The following DOCK2 variants were observed in gnomAD, a reference collection of about 807,000 sequenced individuals.
DOCK2 encodes the protein dedicator of cytokinesis protein 2.
Under a neutral mutation model 248.9 loss-of-function variants are expected in DOCK2, and 87 were observed. That is an observed-to-expected ratio of 0.35 (90% CI 0.29 to 0.42). The LOEUF is 0.42. DOCK2 is among the 10% of genes least tolerant of loss of function. DOCK2 has a pLI of 1.00. For synonymous variants in DOCK2, 805 were observed against 821.6 expected (o/e 0.98, Z 0.35); for missense variants, 1,747 against 2,300.2 (o/e 0.76, Z 4.92).
rs1379991852 is a variant in DOCK2 at position 170,056,640 on chromosome 5, C to T, written c.4296-44C>T. On this transcript the variant is annotated intron_variant, in intron 42 of 51. Coordinates refer to ENST00000520908, the MANE Select transcript of DOCK2 (RefSeq NM_004946.3). The stretch of plus-strand genomic sequence containing the variant: ...GCAGGGTCAGATCGGGTGTCAGCAG[C>T]CGGGGATGGCTACCAGGAGCCTCAG... 1.9e-6 allele frequency: 3 copies of T among 1,569,552 alleles called. No individual in the cohort carries two copies. The Admixed American group carries it at 5.0e-5, about 26-fold the overall frequency.
At chr5:170,004,368 T>A (rs987236544) in intron 30 of DOCK2, among the ~76,000 whole-genome samples, 1 of 152,246 alleles carries the variant, frequency 6.6e-6, no homozygotes, top group African/African-American at 2.4e-5. Flanking sequence ...ATTGCCGTTC[T>A]AACTGGTGTG....
intron 17 of DOCK2, among the ~76,000 whole-genome samples, chr5:169,713,583 T>G (rs1761705891): frequency 6.6e-6 from 1 of 152,112 alleles, no homozygotes; most frequent in South Asian, 2.1e-4. Context: ...GGCAAAATAG[T>G]GTATTCAAGA....
At chr5:170,006,427 C>T (rs909407834) in intron 30 of DOCK2, among the ~76,000 whole-genome samples, 1 of 152,156 alleles carries the variant, frequency 6.6e-6, no homozygotes, top group Non-Finnish European at 1.5e-5. Context: ...ATTCTCCTGC[C>T]TCAGTCTCCT....
chr5:169,670,723 T>C, intron 4 of DOCK2, 126 bp downstream of exon 4: 1 of 1,133,068 alleles, frequency 8.8e-7, no homozygotes, highest in Non-Finnish European at 1.3e-6. Flanking sequence ...TGCCTGTGTA[T>C]ATTTGTGGGT....
intron 36 of DOCK2, among the ~76,000 whole-genome samples, chr5:170,038,348 A>T (rs1581546929): frequency 6.6e-6 from 1 of 152,236 alleles, no homozygotes; most frequent in African/African-American, 2.4e-5. Context: ...TGAGGCCCGT[A>T]GTAATCTAAG....
chr5:169,804,502 G>A (rs1005080004), intron 26 of DOCK2, among the ~76,000 whole-genome samples: 2 of 40,536 alleles, frequency 4.9e-5, no homozygotes, highest in African/African-American at 8.7e-5. Context: ...GCGCGTGCGC[G>A]TAAGCATTTT....
chr5:170,012,432 T>C (rs939336115), intron 32 of DOCK2, among the ~76,000 whole-genome samples: 1 of 152,238 alleles, frequency 6.6e-6, no homozygotes, highest in African/African-American at 2.4e-5. Context: ...CAGGGCATCA[T>C]CATCACCATC....
At position 169,862,785 on chromosome 5, in the gene DOCK2, A is replaced by G. The variant is rs554817311; in HGVS notation, c.2799+21933A>G. Reference sequence around the variant, plus strand: ...CACTATGACAGGGGAAGGTGAAACCATCGGAGTGGTTTGCTCAATTAGGCT... The same window carrying G: ...CACTATGACAGGGGAAGGTGAAACCGTCGGAGTGGTTTGCTCAATTAGGCT... On this transcript the variant is annotated intron_variant, in intron 27 of 51. Coordinates refer to ENST00000520908, the MANE Select transcript of DOCK2 (RefSeq NM_004946.3). Among the ~76,000 whole-genome samples the G allele has an allele frequency of 1.5e-4, 23 of 152,354 alleles. No individual in the cohort carries two copies. The South Asian group carries it at 4.6e-3, about 30-fold the overall frequency.
intron 27 of DOCK2, among the ~76,000 whole-genome samples, chr5:169,854,135 G>C (rs1274088364): frequency 6.7e-6 from 1 of 150,300 alleles, no homozygotes; most frequent in Non-Finnish European, 1.5e-5. Flanking sequence ...AAACAACTTT[G>C]ACACTATTTC....
intron 44 of DOCK2, among the ~76,000 whole-genome samples, chr5:170,065,842 G>A (rs1208490326): frequency 6.6e-6 from 1 of 152,056 alleles, no homozygotes; most frequent in Non-Finnish European, 1.5e-5. Flanking sequence ...TGGGGATACA[G>A]AGCCAAACTG....
intron 30 of DOCK2, among the ~76,000 whole-genome samples, chr5:170,005,001 G>C (rs1754971682): frequency 6.7e-6 from 1 of 149,296 alleles, no homozygotes; most frequent in Non-Finnish European, 1.5e-5. Flanking sequence ...GCACCAGCAT[G>C]GCATATGTAT....
At chr5:169,706,830 A>G (rs1020209182) in intron 14 of DOCK2, among the ~76,000 whole-genome samples, 2 of 152,200 alleles carry the variant, frequency 1.3e-5, no homozygotes, top group African/African-American at 4.8e-5. Context: ...CATACCTCGG[A>G]AGCACAAGGG....
chr5:169,787,027 G>A (rs1285172789), intron 25 of DOCK2, among the ~76,000 whole-genome samples: 1 of 152,130 alleles, frequency 6.6e-6, no homozygotes, highest in Non-Finnish European at 1.5e-5. Context: ...AGTGCTTTAT[G>A]TTATCTTGTT....
At chr5:169,837,797 C>G (rs1229028128) in intron 26 of DOCK2, among the ~76,000 whole-genome samples, 1 of 152,104 alleles carries the variant, frequency 6.6e-6, no homozygotes, top group Admixed American at 6.5e-5. Context: ...TGCTATGCAA[C>G]CTCCCAATAC....
chr5:169,722,026 T>A (rs957538235), intron 22 of DOCK2, among the ~76,000 whole-genome samples: 1 of 152,216 alleles, frequency 6.6e-6, no homozygotes, highest in Non-Finnish European at 1.5e-5. Flanking sequence ...GAGTAATTCC[T>A]AAATTATAGG....
At chr5:169,765,605 C>T (rs1764736034) in intron 25 of DOCK2, among the ~76,000 whole-genome samples, 1 of 152,208 alleles carries the variant, frequency 6.6e-6, no homozygotes, top group Non-Finnish European at 1.5e-5. Flanking sequence ...TAATCAGAGG[C>T]ACCATCTGGT....
chr5:170,034,087 G>A (rs1350794161), intron 34 of DOCK2, among the ~76,000 whole-genome samples: 1 of 152,144 alleles, frequency 6.6e-6, no homozygotes, highest in East Asian at 1.9e-4. Context: ...AATTTTTACA[G>A]ATACTTTGAA....
intron 8 of DOCK2, among the ~76,000 whole-genome samples, chr5:169,685,873 A>T (rs1240881078): frequency 6.6e-6 from 1 of 152,238 alleles, no homozygotes; most frequent in Non-Finnish European, 1.5e-5. Context: ...TGGGATTTAT[A>T]TACAGGCCCA....
chr5:169,785,260 G>C (rs1255663573), intron 25 of DOCK2, among the ~76,000 whole-genome samples: 1 of 152,094 alleles, frequency 6.6e-6, no homozygotes, highest in Non-Finnish European at 1.5e-5. Context: ...ACAGAAACTA[G>C]TTTCATTTTT....
Sources: allele counts gnomAD v4.1 joint callset (sites outside exome capture counted in the v4.1 genomes callset), GRCh38; gene constraint gnomAD v4.1.1; transcripts MANE v1.5; gene names NCBI Gene and HGNC (gene_info 2026-07-23, HGNC 2026-07-21).